IMMP2L: variants seen among roughly 807,000 people sequenced by gnomAD.
IMMP2L encodes inner mitochondrial membrane peptidase subunit 2.
A neutral mutation model predicts 19.3 loss-of-function variants in IMMP2L; 18 were observed. That is an observed-to-expected ratio of 0.93 (90% CI 0.64 to 1.38). The LOEUF (loss-of-function observed/expected upper bound fraction) is 1.38. Among genes scored for constraint, IMMP2L ranks in the 40% most tolerant of loss-of-function variants. IMMP2L has a pLI of 0.00. For missense variants in IMMP2L, 233 were observed against 218.2 expected (o/e 1.07, Z -0.43); for synonymous variants, 76 against 73.0 (o/e 1.04, Z -0.21).
At chr7:111,513,716 T>C (rs1418448391) in intron 2 of IMMP2L, among the ~76,000 whole-genome samples, 2 of 152,048 alleles carry the variant, frequency 1.3e-5, no homozygotes, top group African/African-American at 4.8e-5. Context: ...TGCTCATAAA[T>C]GGATGAAGGG....
At chr7:111,043,077 T>G (rs771858469) in intron 3 of IMMP2L, among the ~76,000 whole-genome samples, 10 of 152,114 alleles carry the variant, frequency 6.6e-5, no homozygotes, top group Non-Finnish European at 1.5e-4. Flanking sequence ...TATACTACAC[T>G]CCCACTCCAC....
chr7:111,254,013 T>C (rs1291501111), intron 3 of IMMP2L, among the ~76,000 whole-genome samples: 1 of 152,172 alleles, frequency 6.6e-6, no homozygotes, highest in African/African-American at 2.4e-5. Context: ...GGAAATTATC[T>C]AACTCCACAT....
chr7:111,228,330 A>G (rs1181389403), intron 3 of IMMP2L, among the ~76,000 whole-genome samples: 1 of 152,060 alleles, frequency 6.6e-6, no homozygotes, highest in Non-Finnish European at 1.5e-5. Flanking sequence ...TTAACTTGAT[A>G]AAGTCAAGTC....
At chr7:111,383,576 A>T (rs914387959) in intron 3 of IMMP2L, among the ~76,000 whole-genome samples, 18 of 152,108 alleles carry the variant, frequency 1.2e-4, no homozygotes, top group Admixed American at 7.9e-4. Context: ...ATTGAGGGCT[A>T]TCCAGCCTTT....
rs944945167 is a variant in IMMP2L, at chr7:111,040,205, T to C, written c.240-76640A>G. Among the ~76,000 whole-genome samples, 3 of 152,146 alleles carry C rather than the reference T, an allele frequency of 2.0e-5. No individual in the cohort carries two copies. The South Asian group carries it at 6.2e-4, about 32-fold the overall frequency. On this transcript the variant is annotated intron_variant, in intron 3 of 5. Coordinates refer to ENST00000405709, the MANE Select transcript of IMMP2L (RefSeq NM_032549.4). ...GTCTGGTCACTACACTACATAATTATTTCTGTGATTAAAAAATTAAACCAA... is the reference window on the plus strand; with the variant it reads ...GTCTGGTCACTACACTACATAATTACTTCTGTGATTAAAAAATTAAACCAA...
At chr7:111,555,377 A>G (rs534561422) in intron 1 of IMMP2L, among the ~76,000 whole-genome samples, 2 of 152,192 alleles carry the variant, frequency 1.3e-5, no homozygotes, top group Admixed American at 6.5e-5. Context: ...TTTAAAATTC[A>G]TATCTGACAG....
intron 1 of IMMP2L, among the ~76,000 whole-genome samples, chr7:111,528,053 AAAG>A (rs1277269318): frequency 6.6e-6 from 1 of 152,194 alleles, no homozygotes; most frequent in African/African-American, 2.4e-5. Flanking sequence ...TGTAAATACT[AAAG>A]AAGCCATTCA....
At chr7:111,027,468 T>A (rs1777264696) in intron 3 of IMMP2L, among the ~76,000 whole-genome samples, 1 of 151,998 alleles carries the variant, frequency 6.6e-6, no homozygotes, top group Admixed American at 6.6e-5. Flanking sequence ...AATAATGATG[T>A]GGTTGCGGGA....
chr7:111,531,065 T>C (rs958043851), intron 1 of IMMP2L, among the ~76,000 whole-genome samples: 3 of 151,582 alleles, frequency 2.0e-5, no homozygotes, highest in Non-Finnish European at 4.4e-5. Context: ...CATCCTCCTG[T>C]CTCAGCCTCC....
chr7:111,516,340 T>C (rs1484743415), intron 2 of IMMP2L, among the ~76,000 whole-genome samples: 1 of 148,414 alleles, frequency 6.7e-6, no homozygotes, highest in Non-Finnish European at 1.5e-5. Flanking sequence ...CATACACGCA[T>C]AAATACAGAG....
intron 3 of IMMP2L, among the ~76,000 whole-genome samples, chr7:111,001,157 C>A (rs562849235): frequency 6.6e-6 from 1 of 152,190 alleles, no homozygotes; most frequent in Non-Finnish European, 1.5e-5. Context: ...TAATGTCACA[C>A]AGGATTTGAG....
intron 3 of IMMP2L, among the ~76,000 whole-genome samples, chr7:111,070,891 T>C (rs2129575341): frequency 6.6e-6 from 1 of 152,308 alleles, no homozygotes; most frequent in Non-Finnish European, 1.5e-5. Context: ...TATTATTAAT[T>C]CAAGTCTCTC....
chr7:110,665,036 AC>A (rs1791348403), intron 5 of IMMP2L: 1 of 152,232 alleles, frequency 6.6e-6, no homozygotes. Context: ...AATCAAAAAC[AC>A]ATTGTTTACA....
intron 4 of IMMP2L, among the ~76,000 whole-genome samples, chr7:110,899,197 A>C (rs1386546912): frequency 2.6e-5 from 4 of 152,110 alleles, no homozygotes; most frequent in Non-Finnish European, 4.4e-5. Context: ...TGTTTTAATT[A>C]TCTACTAATA....
chr7:111,242,623 G>C (rs1366051052), intron 3 of IMMP2L, among the ~76,000 whole-genome samples: 1 of 151,988 alleles, frequency 6.6e-6, no homozygotes, highest in Non-Finnish European at 1.5e-5. Flanking sequence ...ACACAAACGA[G>C]CTTGCTGGGA....
rs1806490937 is a variant in IMMP2L, at chr7:110,853,912, T to C, written c.408+32681A>G. On this transcript the variant is annotated intron_variant, in intron 5 of 5. Transcript: ENST00000405709. ...CTTTAATATGTGATAGCCAAAGAAA[T>C]GACAGTTTATATAGGACATGATAAA... 3.3e-5 allele frequency among the ~76,000 whole-genome samples: 5 copies of C among 152,086 alleles called. No homozygotes were observed. In the South Asian group the frequency reaches 1.0e-3, roughly 32 times the overall value.
At chr7:111,241,361 T>C (rs1815009655) in intron 3 of IMMP2L, among the ~76,000 whole-genome samples, 1 of 151,980 alleles carries the variant, frequency 6.6e-6, no homozygotes, top group African/African-American at 2.4e-5. Flanking sequence ...TAAAGTATGA[T>C]TTGCTTTGTA....
At chr7:110,966,797 A>G (rs1819587349) in intron 3 of IMMP2L, among the ~76,000 whole-genome samples, 1 of 151,948 alleles carries the variant, frequency 6.6e-6, no homozygotes, top group Non-Finnish European at 1.5e-5. Flanking sequence ...CATTACTTTG[A>G]TCTCAGCAGA....
intron 5 of IMMP2L, among the ~76,000 whole-genome samples, chr7:110,797,067 T>G (rs1800911017): frequency 6.6e-6 from 1 of 151,984 alleles, no homozygotes; most frequent in African/African-American, 2.4e-5. Context: ...ACAACTCCTA[T>G]GTAAGTACTA....
Sources: allele counts gnomAD v4.1 joint callset (sites outside exome capture counted in the v4.1 genomes callset), GRCh38; gene constraint gnomAD v4.1.1; transcripts MANE v1.5; gene names NCBI Gene and HGNC (gene_info 2026-07-23, HGNC 2026-07-21).